Variants in PTPRM observed in about 807,000 individuals in gnomAD.
PTPRM encodes receptor-type tyrosine-protein phosphatase mu.
In PTPRM, 47 loss-of-function variants were observed where a neutral mutation model predicts 186.7. That is an observed-to-expected ratio of 0.25 (90% CI 0.20 to 0.32). The LOEUF (loss-of-function observed/expected upper bound fraction) is 0.32, where lower values mean the gene tolerates loss of function less well. PTPRM is among the 10% of genes least tolerant of loss of function. PTPRM has a pLI of 1.00. For synonymous variants in PTPRM, 668 were observed against 674.9 expected (o/e 0.99, Z 0.16); for missense variants, 1,494 against 1,865.0 (o/e 0.80, Z 3.66).
chr18:7,610,187 G>T (rs2037637276), intron 1 of PTPRM, among the ~76,000 whole-genome samples: 2 of 152,042 alleles, frequency 1.3e-5, no homozygotes, highest in Admixed American at 6.5e-5. Flanking sequence ...TTGAAATTAG[G>T]GCAAACTGAC....
intron 7 of PTPRM, among the ~76,000 whole-genome samples, chr18:8,062,246 G>A (rs1355857634): frequency 1.5e-5 from 1 of 65,790 alleles, no homozygotes; most frequent in African/African-American, 7.4e-5. Flanking sequence ...CCAGTAGATC[G>A]CATCGGCTCC....
chr18:7,590,838 G>C (rs1027722900), intron 1 of PTPRM, among the ~76,000 whole-genome samples: 2 of 152,200 alleles, frequency 1.3e-5, no homozygotes, highest in African/African-American at 4.8e-5. Context: ...ATAGATAGTG[G>C]ATTTATTGGT....
intron 19 of PTPRM, among the ~76,000 whole-genome samples, chr18:8,279,499 G>A (rs1012590443): frequency 2.0e-5 from 3 of 152,140 alleles, no homozygotes; most frequent in African/African-American, 4.8e-5. Flanking sequence ...TAAGCTCCCT[G>A]GACTGCATTT....
intron 1 of PTPRM, among the ~76,000 whole-genome samples, chr18:7,641,600 G>A (rs191800878): frequency 6.6e-6 from 1 of 152,306 alleles, no homozygotes; most frequent in Admixed American, 6.5e-5. Flanking sequence ...GCCCACAGCT[G>A]TACTTCTGTC....
At chr18:8,304,296 A>G (rs1237908043) in intron 20 of PTPRM, among the ~76,000 whole-genome samples, 3 of 152,204 alleles carry the variant, frequency 2.0e-5, no homozygotes, top group South Asian at 4.1e-4. Flanking sequence ...ACCATGTTCT[A>G]CAGACTTAGG....
rs183289828 is a variant in PTPRM at position 7,841,322 on chromosome 18, C to T, written c.197-46784C>T. 2.6e-3 allele frequency among the ~76,000 whole-genome samples: 301 copies of T among 117,076 alleles called. 3 individuals are homozygous for T. The highest frequency in any genetic ancestry group is 3.6e-3 in the Non-Finnish European group (223 of 61,648). The allele number at this position is 117,076 out of a possible 152,430, so 76.8% of individuals were successfully genotyped here. ...TTTTTTTTTTTTTGAGACGGAGTCT[C>T]GCTCTGTCACCCAGGCTAGAGTGCA... On this transcript the variant is annotated intron_variant, in intron 2 of 32. Transcript: ENST00000580170.
intron 14 of PTPRM, among the ~76,000 whole-genome samples, chr18:8,168,542 T>C (rs1450176561): frequency 6.6e-6 from 1 of 152,238 alleles, no homozygotes; most frequent in Non-Finnish European, 1.5e-5. Flanking sequence ...AGACTGTTTC[T>C]TCTTAATTTG....
chr18:7,735,449 A>G (rs1345539320), intron 1 of PTPRM, among the ~76,000 whole-genome samples: 1 of 150,708 alleles, frequency 6.6e-6, no homozygotes, highest in Non-Finnish European at 1.5e-5. Context: ...ACAAACAAAC[A>G]TTAAAACAGA....
chr18:7,703,748 G>A (rs546416267), intron 1 of PTPRM, among the ~76,000 whole-genome samples: 77 of 152,242 alleles, frequency 5.1e-4, no homozygotes, highest in Non-Finnish European at 9.4e-4. Context: ...CTTGTCTTGT[G>A]CCAGTTTTCA....
At chr18:8,401,575 G>A (rs1403934567) in intron 32 of PTPRM, among the ~76,000 whole-genome samples, 1 of 152,216 alleles carries the variant, frequency 6.6e-6, no homozygotes, top group African/African-American at 2.4e-5. Flanking sequence ...AGTTTCAAAA[G>A]CAACCAGGTC....
At chr18:8,180,467 G>C (rs1010337941) in intron 14 of PTPRM, among the ~76,000 whole-genome samples, 1 of 152,166 alleles carries the variant, frequency 6.6e-6, no homozygotes, top group Non-Finnish European at 1.5e-5. Context: ...CTTGGAAAAG[G>C]GTCAAGCGGG....
At chr18:7,663,013 A>G (rs1040573853) in intron 1 of PTPRM, among the ~76,000 whole-genome samples, 4 of 152,284 alleles carry the variant, frequency 2.6e-5, no homozygotes, top group Admixed American at 2.0e-4. Flanking sequence ...TTTGAAATAG[A>G]TGTATCATCC....
At chr18:7,688,949 A>T (rs2039671816) in intron 1 of PTPRM, among the ~76,000 whole-genome samples, 1 of 152,164 alleles carries the variant, frequency 6.6e-6, no homozygotes, top group Non-Finnish European at 1.5e-5. Context: ...AGGTTTCAGC[A>T]ACTAAATGCA....
At chr18:8,172,265 CTTTT>C (rs869079652) in intron 14 of PTPRM, among the ~76,000 whole-genome samples, 2 of 137,830 alleles carry the variant, frequency 1.5e-5, no homozygotes, top group African/African-American at 2.7e-5. Context: ...AAGTCTTGAC[CTTTT>C]TTTTTTTTTT....
At chr18:7,634,630 T>A (rs2038270187) in intron 1 of PTPRM, among the ~76,000 whole-genome samples, 1 of 152,260 alleles carries the variant, frequency 6.6e-6, no homozygotes, top group Non-Finnish European at 1.5e-5. Flanking sequence ...GTATAGCATT[T>A]ATCACATTTC....
intron 2 of PTPRM, among the ~76,000 whole-genome samples, chr18:7,775,296 T>C (rs1273417072): frequency 6.6e-6 from 1 of 152,256 alleles, no homozygotes; most frequent in Admixed American, 6.5e-5. Context: ...AAAACCTTTT[T>C]AGCTGTTGGT....
At position 8,239,180 on chromosome 18, in the gene PTPRM, G is replaced by A. The variant is rs573154284; in HGVS notation, c.2301-4878G>A. Reference sequence around the variant, plus strand: ...CCCACAAGAGTCCCCAGAGTGTGATGTTCCCCTTCCTGTCTCCATGTGTTC... The same window carrying A: ...CCCACAAGAGTCCCCAGAGTGTGATATTCCCCTTCCTGTCTCCATGTGTTC... On this transcript the variant is annotated intron_variant, in intron 14 of 32. Coordinates refer to ENST00000580170, the MANE Select transcript of PTPRM (RefSeq NM_001105244.2). 9.2e-5 allele frequency among the ~76,000 whole-genome samples: 11 copies of A among 119,540 alleles called. No individual in the cohort carries two copies. In the East Asian group the frequency reaches 1.7e-3, roughly 19 times the overall value. The allele number at this position is 119,540 out of a possible 152,430, so 78.4% of individuals were successfully genotyped here.
chr18:7,580,859 T>C (rs866502935), intron 1 of PTPRM, among the ~76,000 whole-genome samples: 27 of 152,202 alleles, frequency 1.8e-4, no homozygotes, highest in African/African-American at 6.5e-4. Context: ...TATTGAAGTG[T>C]GCTCTAAGAA....
At chr18:8,258,168 G>T (rs994497074) in intron 19 of PTPRM, among the ~76,000 whole-genome samples, 1 of 152,196 alleles carries the variant, frequency 6.6e-6, no homozygotes, top group Non-Finnish European at 1.5e-5. Context: ...AGAAAGAGCA[G>T]AAAGGGCAAG....
Sources: allele counts gnomAD v4.1 joint callset (sites outside exome capture counted in the v4.1 genomes callset), GRCh38; gene constraint gnomAD v4.1.1; transcripts MANE v1.5; gene names NCBI Gene and HGNC (gene_info 2026-07-23, HGNC 2026-07-21).